Variants in CFAP54 observed in about 807,000 individuals in gnomAD.
CFAP54 encodes cilia and flagella associated protein 54.
CFAP54 carries 290 observed loss-of-function variants against 370.4 expected under a neutral mutation model. The ratio of observed to expected loss-of-function variants is 0.78; its 90% CI spans 0.71 to 0.86. The LOEUF (loss-of-function observed/expected upper bound fraction) is 0.86, where lower values mean the gene tolerates loss of function less well. CFAP54 is among the 40% of genes least tolerant of loss of function. CFAP54 has a pLI of 0.00. For missense variants in CFAP54, 3,399 were observed against 3,528.7 expected, an observed-to-expected ratio of 0.96 and a Z score of 0.93; for synonymous variants, 1,206 against 1,236.5, an observed-to-expected ratio of 0.98 and a Z score of 0.52.
intron 26 of CFAP54, among the ~76,000 whole-genome samples, chr12:96,606,335 G>C (rs1956300594): frequency 6.6e-6 from 1 of 152,232 alleles, no homozygotes; most frequent in African/African-American, 2.4e-5. Context: ...GACCATTCAT[G>C]TGGAGCAATG....
Position 96,554,721 on chromosome 12 carries a change from A to G in CFAP54, c.2329A>G (p.Asn777Asp), listed in dbSNP as rs146888868. The G allele has an allele frequency of 3.2e-4, 490 of 1,535,192 alleles. No individual in the cohort carries two copies. The highest frequency in any genetic ancestry group is 2.4e-3 in the East Asian group (100 of 40,858). The change falls in exon 17 of 68, where the codon AAT (asparagine) becomes GAT (aspartate). Residue 777 changes from asparagine (N) to aspartate (D), a missense_variant. Asn to Asp is a conservative substitution (Grantham distance 23). Coordinates refer to ENST00000524981, the MANE Select transcript of CFAP54 (RefSeq NM_001306084.2). ...DGDTYKPLAS[N>D]SFMMDLHLEL... The stretch of plus-strand genomic sequence containing the variant: ...AGATACTTACAAACCACTTGCCTCA[A>G]ATAGTTTCATGATGGATTTGCATCT...
chr12:96,708,841 C>G (rs1378160426), intron 48 of CFAP54, 38 bp downstream of exon 48: 2 of 1,506,700 alleles, frequency 1.3e-6, no homozygotes, highest in African/African-American at 2.8e-5. Context: ...TCTTTCTCCT[C>G]CCTTTCCCTA....
Position 96,739,999 on chromosome 12 carries a change from A to C in CFAP54, c.7009A>C (p.Lys2337Gln). ...TACACTTACACTTCTCCAGGATTCA[A>C]AACTTTTTGAAAAGAAGGTAGTACA... ...FSTLTLLQDS[K>Q]LFEKKVVQDD... The change falls in exon 51 of 68, where the codon AAA becomes CAA. Residue 2337 changes from lysine to glutamine, a missense_variant. Physicochemically the swap from Lys to Gln is moderately conservative, Grantham distance 53. Coordinates refer to ENST00000524981, the MANE Select transcript of CFAP54 (RefSeq NM_001306084.2). The C allele has an allele frequency of 6.2e-7, 1 of 1,606,746 alleles. No individual in the cohort carries two copies. The highest frequency in any genetic ancestry group is 8.5e-7 in the Non-Finnish European group (1 of 1,175,226).
At chr12:96,710,740 A>G (rs1957602640) in intron 48 of CFAP54, among the ~76,000 whole-genome samples, 1 of 151,716 alleles carries the variant, frequency 6.6e-6, no homozygotes, top group African/African-American at 2.4e-5. Flanking sequence ...GCTTACTGCA[A>G]CCTCCGCCTC....
At chr12:96,841,612 C>G (rs1319034375) in intron 66 of CFAP54, among the ~76,000 whole-genome samples, 1 of 152,202 alleles carries the variant, frequency 6.6e-6, no homozygotes, top group Non-Finnish European at 1.5e-5. Context: ...ATTTTTGCAT[C>G]TATTCCACCT....
chr12:96,841,909 G>A (rs981739352), intron 66 of CFAP54, among the ~76,000 whole-genome samples: 2 of 152,234 alleles, frequency 1.3e-5, no homozygotes, highest in East Asian at 3.8e-4. Context: ...ATTGGTGAAA[G>A]CTATTTCTCC....
At chr12:96,495,703 A>G (rs1030115536) in intron 1 of CFAP54, among the ~76,000 whole-genome samples, 7 of 152,084 alleles carry the variant, frequency 4.6e-5, no homozygotes, top group Admixed American at 6.6e-5. Flanking sequence ...CAAATGATGT[A>G]CATTCTATAG....
intron 36 of CFAP54, among the ~76,000 whole-genome samples, chr12:96,654,832 A>ATTTTTTTTT (rs10631171): frequency 3.0e-4 from 40 of 132,110 alleles, no homozygotes; most frequent in Middle Eastern, 3.9e-3. Context: ...ATTTCACTTA[A>ATTTTTTTTT]TTTTTTTTTT....
chr12:96,551,603 T>C (rs1955695476), intron 15 of CFAP54, among the ~76,000 whole-genome samples: 4 of 151,904 alleles, frequency 2.6e-5, no homozygotes. Flanking sequence ...CATAATGCAA[T>C]ACATTGCATT....
At chr12:96,538,618 T>G (rs1191894928) in intron 13 of CFAP54, 100 bp downstream of exon 13, 3 of 1,203,984 alleles carry the variant, frequency 2.5e-6, no homozygotes, top group Non-Finnish European at 3.5e-6. Flanking sequence ...TTTCACCTGG[T>G]TAATGACTTT....
At chr12:96,720,945 G>A (rs1430304183) in intron 50 of CFAP54, among the ~76,000 whole-genome samples, 2 of 151,912 alleles carry the variant, frequency 1.3e-5, no homozygotes, top group Non-Finnish European at 2.9e-5. Flanking sequence ...ACTTGAGCCC[G>A]GGAGGCAGAG....
In CFAP54 at chr12:96,685,057, C is replaced by A. The variant is rs753732726; in HGVS notation, c.5833C>A (p.Leu1945Ile). ...RAAFKCWCQA[L>I]DDIFRKPDVL... ...TGCTTTTAAGTGTTGGTGTCAAGCT[C>A]TTGATGACATATTCAGAAAACCAGA... The change falls in exon 42 of 68, where the codon CTT becomes ATT. Residue 1945 changes from leucine to isoleucine, a missense_variant. Around this residue, in one of 3 missense-constraint regions of CFAP54, gnomAD observed 2,796 missense variants for 2,869.7 expected, o/e 0.97. Coordinates refer to ENST00000524981, the MANE Select transcript of CFAP54 (RefSeq NM_001306084.2). The A allele has an allele frequency of 3.1e-6, 5 of 1,613,940 alleles. No individual in the cohort carries two copies. The highest frequency in any genetic ancestry group is 4.2e-6 in the Non-Finnish European group (5 of 1,180,008).
intron 60 of CFAP54, among the ~76,000 whole-genome samples, chr12:96,769,089 G>A: frequency 6.6e-6 from 1 of 152,178 alleles, no homozygotes. Context: ...TGTTGGCACT[G>A]GCAATGTGGG....
chr12:96,710,079 T>C (rs989048752), intron 48 of CFAP54, among the ~76,000 whole-genome samples: 4 of 152,360 alleles, frequency 2.6e-5, no homozygotes, highest in African/African-American at 9.6e-5. Context: ...ATTGCATTCA[T>C]ACTCATAAGA....
chr12:96,796,327 G>A (rs1182767369), intron 63 of CFAP54, among the ~76,000 whole-genome samples: 4 of 152,130 alleles, frequency 2.6e-5, no homozygotes, highest in Non-Finnish European at 4.4e-5. Context: ...TACTATTCTT[G>A]TCAGATGTTT....
intron 50 of CFAP54, among the ~76,000 whole-genome samples, chr12:96,724,507 A>G (rs1957803959): frequency 6.6e-6 from 1 of 152,032 alleles, no homozygotes; most frequent in Admixed American, 6.6e-5. Context: ...TCCTTTGCCC[A>G]TTTTTGATGG....
intron 26 of CFAP54, among the ~76,000 whole-genome samples, chr12:96,601,961 T>G (rs933919168): frequency 6.6e-6 from 1 of 152,230 alleles, no homozygotes; most frequent in Non-Finnish European, 1.5e-5. Context: ...TCTCCTTCAG[T>G]TCTACTCTGA....
intron 13 of CFAP54, chr12:96,540,336 G>T (rs568944208): frequency 6.6e-6 from 1 of 152,384 alleles, no homozygotes; most frequent in East Asian, 1.9e-4. Flanking sequence ...TCCTGACCTC[G>T]TGATCCACCC....
chr12:96,793,190 C>T (rs1330164480), intron 63 of CFAP54, among the ~76,000 whole-genome samples: 1 of 152,020 alleles, frequency 6.6e-6, no homozygotes, highest in African/African-American at 2.4e-5. Context: ...CACCCCTGCT[C>T]CACCCTCTCC....
Sources: gnomAD v4.1 joint callset for allele counts (sites outside exome capture counted in the v4.1 genomes callset) on GRCh38, gnomAD v4.1.1 for gene constraint, gnomAD v4.1.1 regional missense constraint, MANE v1.5 for transcripts, NCBI Gene and HGNC (gene_info 2026-07-23, HGNC 2026-07-21) for gene names.